STK3: variants seen among roughly 807,000 people sequenced by gnomAD.
STK3 encodes the protein serine/threonine-protein kinase 3.
STK3 carries 41 observed loss-of-function variants against 58.0 expected under a neutral mutation model. The observed-to-expected ratio is 0.71, with a 90% CI of 0.55 to 0.92. The LOEUF is 0.92. STK3 is among the 40% of genes least tolerant of loss of function. STK3 has a pLI of 0.00. For synonymous variants in STK3, 170 were observed against 191.0 expected (o/e 0.89, Z 0.91); for missense variants, 479 against 602.7 (o/e 0.79, Z 2.15).
intron 8 of STK3, among the ~76,000 whole-genome samples, chr8:98,578,381 T>C (rs1813581474): frequency 6.6e-6 from 1 of 152,250 alleles, no homozygotes; most frequent in South Asian, 2.1e-4. Flanking sequence ...ATTTTAAGTC[T>C]AGAATACAGG....
At chr8:98,923,427 T>C (rs1839648197) in intron 1 of STK3, among the ~76,000 whole-genome samples, 1 of 152,232 alleles carries the variant, frequency 6.6e-6, no homozygotes, top group Non-Finnish European at 1.5e-5. Flanking sequence ...AATGCATTGA[T>C]AGTTGGCAAA....
chr8:98,585,675 A>G (rs1379678827), intron 7 of STK3, among the ~76,000 whole-genome samples: 2 of 151,482 alleles, frequency 1.3e-5, no homozygotes, highest in Non-Finnish European at 2.9e-5. Flanking sequence ...GAATCTGTAA[A>G]TTACCTTGGG....
intron 4 of STK3, among the ~76,000 whole-genome samples, chr8:98,711,784 C>T (rs541878492): frequency 9.9e-5 from 15 of 152,190 alleles, no homozygotes; most frequent in South Asian, 6.2e-4. Flanking sequence ...ATACAGAGAA[C>T]GCCACAAAGA....
At chr8:98,564,162 C>A (rs950384801) in intron 8 of STK3, among the ~76,000 whole-genome samples, 1 of 151,936 alleles carries the variant, frequency 6.6e-6, no homozygotes, top group Non-Finnish European at 1.5e-5. Context: ...AACCAATAAG[C>A]CTCGTCTCAT....
intron 6 of STK3, among the ~76,000 whole-genome samples, chr8:98,675,816 A>G (rs1474724907): frequency 6.6e-6 from 1 of 151,806 alleles, no homozygotes; most frequent in Non-Finnish European, 1.5e-5. Flanking sequence ...GTGAGCCGAT[A>G]TTGCACCACT....
chr8:98,740,221 T>G (rs2131304119), intron 4 of STK3, among the ~76,000 whole-genome samples: 1 of 152,082 alleles, frequency 6.6e-6, no homozygotes, highest in South Asian at 2.1e-4. Flanking sequence ...AGGCCAACAT[T>G]CAGATTCAGG....
chr8:98,830,887 G>A (rs939192411), intron 3 of STK3, among the ~76,000 whole-genome samples: 12 of 149,532 alleles, frequency 8.0e-5, no homozygotes, highest in African/African-American at 2.0e-4. Flanking sequence ...GGAGAATGGC[G>A]TGAACCCGGG....
chr8:98,397,492 T>G (rs1033333175), downstream of STK3, among the ~76,000 whole-genome samples: 2 of 151,962 alleles, frequency 1.3e-5, no homozygotes, highest in African/African-American at 4.8e-5. Context: ...GCCGTGATCA[T>G]GACACTGCAC....
chr8:98,869,034 G>A (rs937093147), intron 3 of STK3, among the ~76,000 whole-genome samples: 133 of 92,208 alleles, frequency 1.4e-3, no homozygotes, highest in African/African-American at 4.3e-3. Context: ...AAGGAAGGAA[G>A]GAAGGAAGGA....
intron 6 of STK3, among the ~76,000 whole-genome samples, chr8:98,604,176 C>G (rs1017287354): frequency 6.6e-6 from 1 of 152,228 alleles, no homozygotes; most frequent in Non-Finnish European, 1.5e-5. Context: ...AACAAATTCT[C>G]TCTGAGATAC....
intron 1 of STK3, among the ~76,000 whole-genome samples, chr8:98,798,691 A>C (rs1446213990): frequency 6.6e-6 from 1 of 152,212 alleles, no homozygotes; most frequent in South Asian, 2.1e-4. Flanking sequence ...TCAGGTGCTG[A>C]ATCTAAACGG....
At chr8:98,662,761 T>C (rs1822056564) in intron 6 of STK3, among the ~76,000 whole-genome samples, 1 of 152,028 alleles carries the variant, frequency 6.6e-6, no homozygotes, top group Non-Finnish European at 1.5e-5. Flanking sequence ...TGCCACATTG[T>C]TGTGCTGCAC....
chr8:98,593,670 T>C (rs1221621043), intron 7 of STK3, among the ~76,000 whole-genome samples: 1 of 152,228 alleles, frequency 6.6e-6, no homozygotes, highest in African/African-American at 2.4e-5. Flanking sequence ...TAATGCCTAA[T>C]GATCTGAGGC....
chr8:98,671,401 A>G (rs1468862143), intron 6 of STK3, among the ~76,000 whole-genome samples: 1 of 152,208 alleles, frequency 6.6e-6, no homozygotes, highest in Non-Finnish European at 1.5e-5. Flanking sequence ...GCCATAAATT[A>G]CATAAAAGCT....
chr8:98,707,675 G>T (rs1425382888), intron 4 of STK3, among the ~76,000 whole-genome samples: 2 of 152,002 alleles, frequency 1.3e-5, no homozygotes, highest in Non-Finnish European at 2.9e-5. Context: ...AAAGTGTTGG[G>T]ATTATAGGTG....
At chr8:98,743,991 C>A (rs568676448) in intron 4 of STK3, among the ~76,000 whole-genome samples, 2 of 152,232 alleles carry the variant, frequency 1.3e-5, no homozygotes, top group African/African-American at 4.8e-5. Flanking sequence ...TGCTCACCAT[C>A]ACTGGCCATC....
At chr8:98,940,559 C>T (rs1030960243) in intron 1 of STK3, among the ~76,000 whole-genome samples, 1 of 152,114 alleles carries the variant, frequency 6.6e-6, no homozygotes, top group Non-Finnish European at 1.5e-5. Flanking sequence ...TGGCGGGGTT[C>T]CTGCAGTGAG....
chr8:98,677,901 T>C (rs1725814300), intron 6 of STK3, among the ~76,000 whole-genome samples: 2 of 152,246 alleles, frequency 1.3e-5, no homozygotes, highest in Admixed American at 6.5e-5. Context: ...AGAACAATTC[T>C]GCCTACCCCA....
intron 6 of STK3, chr8:98,651,591 C>G (rs578172411): frequency 1.6e-4 from 25 of 152,294 alleles, no homozygotes; most frequent in African/African-American, 2.2e-4. Flanking sequence ...TGAAAACTTT[C>G]AAAAAAATTT....
Sources: allele counts gnomAD v4.1 joint callset (sites outside exome capture counted in the v4.1 genomes callset), GRCh38; gene constraint gnomAD v4.1.1; transcripts MANE v1.5; gene names NCBI Gene and HGNC (gene_info 2026-07-23, HGNC 2026-07-21).